Variants in PTCD3 observed in about 807,000 individuals in gnomAD.
The protein encoded by PTCD3 is pentatricopeptide repeat domain 3, also known as small ribosomal subunit protein mS39.
Under a neutral mutation model 101.9 loss-of-function variants are expected in PTCD3, and 89 were observed. The ratio of observed to expected loss-of-function variants is 0.87; its 90% CI spans 0.74 to 1.04. The LOEUF (loss-of-function observed/expected upper bound fraction) is 1.04, where lower values mean the gene tolerates loss of function less well. PTCD3 is among the 50% of genes least tolerant of loss of function. PTCD3 has a pLI of 0.00. For missense variants in PTCD3, 870 were observed against 828.2 expected, an observed-to-expected ratio of 1.05 and a Z score of -0.62; for synonymous variants, 296 against 278.5, an observed-to-expected ratio of 1.06 and a Z score of -0.63.
chr2:86,131,522 C>A (rs1349359352), intron 16 of PTCD3, among the ~76,000 whole-genome samples: 3 of 152,122 alleles, frequency 2.0e-5, no homozygotes, highest in Admixed American at 1.3e-4. Flanking sequence ...GGCCTAAAAT[C>A]TGTACTTTTC....
chr2:86,130,122 A>C (rs921545973), intron 14 of PTCD3, among the ~76,000 whole-genome samples: 1 of 152,118 alleles, frequency 6.6e-6, no homozygotes, highest in Non-Finnish European at 1.5e-5. Flanking sequence ...CAACATGGGG[A>C]AACCCCTCCT....
intron 5 of PTCD3, 81 bp from the exon 6 acceptor site, chr2:86,116,974 G>A (rs1674188388): frequency 3.0e-6 from 2 of 665,414 alleles, no homozygotes; most frequent in South Asian, 1.8e-5. Flanking sequence ...TTTGTGAGGG[G>A]GGAGAAATTC....
chr2:86,135,240 A>C (rs1056653897), intron 21 of PTCD3: 1 of 357,972 alleles, frequency 2.8e-6, no homozygotes, highest in Non-Finnish European at 5.0e-6. Context: ...CAAGTAAGTC[A>C]CTTAACCTCA....
In PTCD3 at chr2:86,118,985, G is replaced by A. The variant is rs766908058; in HGVS notation, c.479G>A (p.Arg160Gln). Residue 160 changes from arginine to glutamine, a missense_variant, in exon 7 of 24, where the codon CGA becomes CAA. By Grantham distance (43) the Arg-to-Gln change is conservative. Coordinates refer to ENST00000254630, the MANE Select transcript of PTCD3 (RefSeq NM_017952.6). ...ATAAGTGAAGCCGCCCTGAAGGAAC[G>A]AATTGAGCTCAGAAAAGTCAAAGCC... ...KDISEAALKE[R>Q]IELRKVKASV... 4.3e-6 allele frequency: 7 copies of A among 1,614,056 alleles called. No individual in the cohort carries two copies. The highest frequency in any genetic ancestry group is 2.2e-5 in the South Asian group (2 of 91,082).
intron 12 of PTCD3, among the ~76,000 whole-genome samples, chr2:86,126,243 AG>A (rs74981615): frequency 0.021 from 3,104 of 145,606 alleles, 176 homozygotes; most frequent in African/African-American, 0.064. Context: ...AAAAAAAAAA[AG>A]AAAAAGAAAC....
At chr2:86,123,044 G>A (rs1183062012) in intron 8 of PTCD3, among the ~76,000 whole-genome samples, 6 of 152,128 alleles carry the variant, frequency 3.9e-5, no homozygotes, top group Non-Finnish European at 8.8e-5. Flanking sequence ...TGGATCATGA[G>A]GTCAGGAGAT....
intron 14 of PTCD3, 87 bp from the exon 15 acceptor site, chr2:86,130,561 G>A: frequency 6.6e-7 from 1 of 1,521,502 alleles, no homozygotes; most frequent in Non-Finnish European, 8.8e-7. Flanking sequence ...GTGGAGGAAG[G>A]AGAAATGTGT....
intron 21 of PTCD3, chr2:86,136,141 C>T (rs967951146): frequency 6.7e-6 from 3 of 447,140 alleles, no homozygotes; most frequent in Non-Finnish European, 8.7e-6. Flanking sequence ...AGTGGTGATC[C>T]TCTACAAGAG....
intron 21 of PTCD3, chr2:86,136,119 C>T (rs1020857333): frequency 4.2e-6 from 2 of 477,860 alleles, no homozygotes; most frequent in African/African-American, 2.0e-5. Context: ...TGGATTCCCT[C>T]CTTAGAAGGA....
chr2:86,128,481 G>A (rs1573856299), intron 14 of PTCD3, among the ~76,000 whole-genome samples: 2 of 152,144 alleles, frequency 1.3e-5, no homozygotes, highest in East Asian at 1.9e-4. Context: ...CTAGCCACAT[G>A]TGGCCAGTTA....
Position 86,121,614 on chromosome 2 carries a change from A to ATT in PTCD3, c.654+30_654+31dup. 47 of 1,257,410 alleles carry ATT rather than the reference A, an allele frequency of 3.7e-5. No individual in the cohort carries two copies. Among genetic ancestry groups the ATT allele is most frequent in the Middle Eastern group, 2.1e-4 (1 of 4,874 alleles). 77.9% of individuals were successfully genotyped at this position (1,257,410 alleles called of 1,614,324 possible). A position where few individuals can be genotyped will look rare whatever the true frequency, so the allele number is the denominator to read the frequency against. On this transcript the variant is annotated intron_variant, in intron 8 of 23. Transcript: ENST00000254630. Reference sequence around the variant, plus strand: ...GCATTGGTAATAACTGTTGGCCTTGATTTTTTTTTTTCCTTAAGCTTCTTT... The same window carrying ATT: ...GCATTGGTAATAACTGTTGGCCTTGATTTTTTTTTTTTTCCTTAAGCTTCTTT...
chr2:86,107,104 G>T (rs1038281993), intron 1 of PTCD3: 3 of 470,910 alleles, frequency 6.4e-6, no homozygotes, highest in Non-Finnish European at 1.3e-5. Context: ...GTTTTTATAT[G>T]TACTCTCCCT....
intron 14 of PTCD3, among the ~76,000 whole-genome samples, chr2:86,129,173 C>A (rs1674451850): frequency 6.6e-6 from 1 of 152,144 alleles, no homozygotes; most frequent in Non-Finnish European, 1.5e-5. Flanking sequence ...TTTTACTCAA[C>A]CTTGGTGAGA....
chr2:86,124,960 A>T (rs780318894), intron 9 of PTCD3, 35 bp from the exon 10 acceptor site: 1 of 1,609,214 alleles, frequency 6.2e-7, no homozygotes, highest in African/African-American at 1.3e-5. Context: ...GGTATTTCTT[A>T]TTGCCTGGGT....
rs1674181391 is a variant in PTCD3 at position 86,116,535 on chromosome 2, C to T, written c.246C>T (p.Thr82=). 8 of 1,607,258 alleles carry T rather than the reference C, an allele frequency of 5.0e-6. No individual in the cohort carries two copies. Among genetic ancestry groups the T allele is most frequent in the Non-Finnish European group, 6.8e-6 (8 of 1,173,914 alleles). ...QALASTVNRD[T]TAVPYVFQDD... Reference sequence around the variant, plus strand: ...GTATTATGTCTTTTCCACAGGATACCACAGCTGTGCCTTATGTGTTTCAAG... The same window carrying T: ...GTATTATGTCTTTTCCACAGGATACTACAGCTGTGCCTTATGTGTTTCAAG... Residue 82 remains threonine, a synonymous_variant, in exon 5 of 24, where the codon ACC becomes ACT. Coordinates refer to ENST00000254630, the MANE Select transcript of PTCD3 (RefSeq NM_017952.6).
rs758220686 is a variant in PTCD3 at position 86,117,453 on chromosome 2, C to CT, written c.414+308dup. Among the ~76,000 whole-genome samples the CT allele has an allele frequency of 5.0e-3, 719 of 143,314 alleles. 3 individuals carry two copies. The highest frequency in any genetic ancestry group is 0.011 in the Middle Eastern group (3 of 280). The allele number at this position is 143,314 out of a possible 152,430, so 94.0% of individuals were successfully genotyped here. A position where few individuals can be genotyped will look rare whatever the true frequency, so the allele number is the denominator to read the frequency against. ...CCTCTCTATACACATCTTTCTCTTC[C>CT]TTTTTTTTTTTTTTGAAACGGCATC... is the stretch of plus-strand genomic sequence containing the variant. On this transcript the variant is annotated intron_variant, in intron 6 of 23. Coordinates refer to ENST00000254630, the MANE Select transcript of PTCD3 (RefSeq NM_017952.6).
chr2:86,125,609 C>T (rs1674368799), intron 11 of PTCD3, 94 bp downstream of exon 11: 2 of 1,294,632 alleles, frequency 1.5e-6, no homozygotes, highest in Non-Finnish European at 2.2e-6. Context: ...CATTGGCCTA[C>T]ACTTTACCTT....
chr2:86,119,161 A>C (rs1233080874), intron 7 of PTCD3, 117 bp downstream of exon 7: 2 of 1,311,258 alleles, frequency 1.5e-6, no homozygotes, highest in Non-Finnish European at 2.1e-6. Flanking sequence ...CTCTGCTTTG[A>C]TGGCTGCGTG....
At position 86,139,317 on chromosome 2, in the gene PTCD3, A is replaced by G. The variant is rs1301606247; in HGVS notation, c.*1758A>G. The G allele has an allele frequency of 6.6e-6, 1 of 152,162 alleles. No homozygotes were observed. Among genetic ancestry groups the G allele is most frequent in the East Asian group, 1.9e-4 (1 of 5,188 alleles). The allele number at this position is 152,162 out of a possible 1,614,324, so 9.4% of individuals were successfully genotyped here. A position where few individuals can be genotyped will look rare whatever the true frequency, so the allele number is the denominator to read the frequency against. On this transcript the variant is annotated 3_prime_UTR_variant, in exon 24 of 24. Coordinates refer to ENST00000254630, the MANE Select transcript of PTCD3 (RefSeq NM_017952.6). ...GGAGTTCGAGACTAGCCTGGGCAAC[A>G]TAGTGAGACACCGGATCTACAAAAA... is the stretch of plus-strand genomic sequence containing the variant.
Sources: gnomAD v4.1 joint callset for allele counts (sites outside exome capture counted in the v4.1 genomes callset) on GRCh38, gnomAD v4.1.1 for gene constraint, MANE v1.5 for transcripts, NCBI Gene and HGNC (gene_info 2026-07-23, HGNC 2026-07-21) for gene names.